The following ZFHX3 variants were observed in gnomAD, a reference collection of about 807,000 sequenced individuals.
The protein encoded by ZFHX3 is zinc finger homeobox 3.
Under a neutral mutation model 279.1 loss-of-function variants are expected in ZFHX3, and 42 were observed. That is an observed-to-expected ratio of 0.15 (90% CI 0.12 to 0.19). The LOEUF (loss-of-function observed/expected upper bound fraction) is 0.19. Ranked by LOEUF, ZFHX3 falls within the 10% of genes least tolerant of loss-of-function variation. The probability of loss-of-function intolerance (pLI) is 1.00; values close to 1 mark genes in which losing one functional copy is unlikely to be tolerated. For synonymous variants in ZFHX3, 2,293 were observed against 1,957.8 expected, an observed-to-expected ratio of 1.17 and a Z score of -4.52; for missense variants, 4,981 against 4,754.0, an observed-to-expected ratio of 1.05 and a Z score of -1.40.
chr16:72,949,649 A>G (rs1423291625), intron 3 of ZFHX3, among the ~76,000 whole-genome samples: 1 of 151,944 alleles, frequency 6.6e-6, no homozygotes, highest in Non-Finnish European at 1.5e-5. Context: ...AAGAGGGAAG[A>G]GGAGAAGAGA....
At chr16:73,295,751 C>G (rs1421059363) in intron 4 of ZFHX3, among the ~76,000 whole-genome samples, 1 of 152,110 alleles carries the variant, frequency 6.6e-6, no homozygotes, top group African/African-American at 2.4e-5. Flanking sequence ...CAGTGGCTGC[C>G]CTTTCACACT....
intron 1 of ZFHX3, among the ~76,000 whole-genome samples, chr16:73,710,768 C>T (rs542488526): frequency 1.3e-5 from 2 of 152,158 alleles, no homozygotes; most frequent in African/African-American, 2.4e-5. Context: ...GCTTCCCCCT[C>T]GACCCCCGGC....
At chr16:73,466,117 A>C (rs1456068866) in intron 2 of ZFHX3, among the ~76,000 whole-genome samples, 4 of 152,138 alleles carry the variant, frequency 2.6e-5, no homozygotes, top group Admixed American at 6.5e-5. Context: ...ACATGAACTT[A>C]ATTATAGCTC....
intron 6 of ZFHX3, among the ~76,000 whole-genome samples, chr16:73,136,262 G>A (rs540319992): frequency 2.0e-5 from 3 of 152,120 alleles, no homozygotes; most frequent in Admixed American, 2.0e-4. Flanking sequence ...CAGTAAACAA[G>A]GAGATCTTGG....
chr16:73,309,564 C>G (rs929451905), intron 4 of ZFHX3, among the ~76,000 whole-genome samples: 11 of 152,190 alleles, frequency 7.2e-5, no homozygotes, highest in African/African-American at 1.9e-4. Context: ...ATGTGGGAAG[C>G]GACAGATGAG....
intron 3 of ZFHX3, among the ~76,000 whole-genome samples, chr16:73,416,876 AC>A (rs1411866269): frequency 6.6e-6 from 1 of 151,858 alleles, no homozygotes; most frequent in East Asian, 1.9e-4. Context: ...TCCGTCTCAA[AC>A]AGAAAAAAAA....
intron 1 of ZFHX3, among the ~76,000 whole-genome samples, chr16:73,865,679 G>A (rs1186520194): frequency 6.6e-6 from 1 of 152,088 alleles, no homozygotes; most frequent in African/African-American, 2.4e-5. Context: ...CCAGTCATCT[G>A]TTAAAACATG....
chr16:72,949,496 C>A lies in ZFHX3; in HGVS notation c.3216+973G>T, dbSNP rs572945265. ...TAAGTCCAGTGAAAATCAATAGAGA[C>A]GTCTGGAGCAATTCTGCCGTGCAAG... On this transcript the variant is annotated intron_variant, in intron 3 of 9. Transcript: ENST00000268489. Among the ~76,000 whole-genome samples the A allele has an allele frequency of 3.3e-5, 5 of 152,230 alleles. No homozygotes were observed. In the East Asian group the frequency reaches 9.6e-4, roughly 29 times the overall value.
intron 2 of ZFHX3, among the ~76,000 whole-genome samples, chr16:73,604,461 A>G (rs141451337): frequency 6.6e-6 from 1 of 152,256 alleles, no homozygotes; most frequent in African/African-American, 2.4e-5. Context: ...AAAATGTCCC[A>G]TGGGCCAGGC....
At chr16:73,096,977 G>A (rs1157341791) in intron 7 of ZFHX3, among the ~76,000 whole-genome samples, 2 of 152,046 alleles carry the variant, frequency 1.3e-5, no homozygotes, top group Admixed American at 6.6e-5. Context: ...GAAAGCCAAG[G>A]CAAGAGGAGA....
intron 4 of ZFHX3, among the ~76,000 whole-genome samples, chr16:73,313,645 A>C (rs1405325103): frequency 1.3e-5 from 2 of 152,216 alleles, no homozygotes; most frequent in Non-Finnish European, 2.9e-5. Flanking sequence ...GTAACAATAG[A>C]ACTAGGAATC....
chr16:72,843,048 G>C (rs2037382829), intron 4 of ZFHX3, among the ~76,000 whole-genome samples: 1 of 152,216 alleles, frequency 6.6e-6, no homozygotes. Flanking sequence ...CACAAAGAGA[G>C]CATAAACATG....
intron 1 of ZFHX3, among the ~76,000 whole-genome samples, chr16:73,756,274 C>T (rs2053808153): frequency 1.3e-5 from 2 of 152,114 alleles, no homozygotes; most frequent in Non-Finnish European, 1.5e-5. Context: ...AAAGTGGAAA[C>T]CGTTTTTGTT....
At chr16:73,328,890 A>T (rs751190682) in intron 3 of ZFHX3, among the ~76,000 whole-genome samples, 12 of 152,236 alleles carry the variant, frequency 7.9e-5, no homozygotes, top group Non-Finnish European at 1.3e-4. Context: ...AACCCATCCC[A>T]AGTGGGCAGT....
intron 1 of ZFHX3, among the ~76,000 whole-genome samples, chr16:73,800,205 C>T (rs1960103795): frequency 6.6e-6 from 1 of 151,892 alleles, no homozygotes; most frequent in Admixed American, 6.6e-5. Flanking sequence ...TTTTGTTGGC[C>T]CATAAATTAC....
intron 1 of ZFHX3, among the ~76,000 whole-genome samples, chr16:73,780,339 G>T (rs1567408312): frequency 6.7e-6 from 1 of 150,360 alleles, no homozygotes. Flanking sequence ...GTAGAGATGG[G>T]GTTTTGCCAT....
chr16:73,732,311 T>A (rs2142250392), intron 1 of ZFHX3, among the ~76,000 whole-genome samples: 1 of 152,320 alleles, frequency 6.6e-6, no homozygotes, highest in East Asian at 1.9e-4. Context: ...ACCAAAGGCC[T>A]AATGATCCAT....
chr16:73,705,675 T>A (rs2053296267), intron 1 of ZFHX3, among the ~76,000 whole-genome samples: 1 of 152,216 alleles, frequency 6.6e-6, no homozygotes, highest in Admixed American at 6.5e-5. Context: ...CCCTGCCCTG[T>A]GCTTTAACAT....
intron 1 of ZFHX3, among the ~76,000 whole-genome samples, chr16:73,756,519 A>T (rs1457954959): frequency 1.3e-5 from 2 of 152,132 alleles, no homozygotes; most frequent in Non-Finnish European, 2.9e-5. Context: ...AGACAAGACA[A>T]ATGCACAGGC....
Sources: gnomAD v4.1 joint callset for allele counts (sites outside exome capture counted in the v4.1 genomes callset) on GRCh38, gnomAD v4.1.1 for gene constraint, MANE v1.5 for transcripts, NCBI Gene and HGNC (gene_info 2026-07-23, HGNC 2026-07-21) for gene names.